PTPRD: variants seen among roughly 807,000 people sequenced by gnomAD.
PTPRD encodes the protein protein tyrosine phosphatase receptor type D, also known as receptor-type tyrosine-protein phosphatase delta.
Under a neutral mutation model 214.5 loss-of-function variants are expected in PTPRD, and 34 were observed. The ratio of observed to expected loss-of-function variants is 0.16; its 90% CI spans 0.12 to 0.21. The LOEUF (loss-of-function observed/expected upper bound fraction) is 0.21, where lower values mean the gene tolerates loss of function less well. PTPRD is among the 10% of genes least tolerant of loss of function. PTPRD has a pLI of 1.00. For missense variants in PTPRD, 2,545 were observed against 2,398.7 expected, an observed-to-expected ratio of 1.06 and a Z score of -1.27; for synonymous variants, 1,128 against 845.7, an observed-to-expected ratio of 1.33 and a Z score of -5.79.
intron 2 of PTPRD, among the ~76,000 whole-genome samples, chr9:10,592,117 A>T (rs2075603376): frequency 6.6e-6 from 1 of 152,130 alleles, no homozygotes; most frequent in Non-Finnish European, 1.5e-5. Flanking sequence ...GATGAGTATT[A>T]AGACTGAAGC....
At chr9:10,162,485 C>G (rs1276010506) in intron 3 of PTPRD, among the ~76,000 whole-genome samples, 1 of 150,524 alleles carries the variant, frequency 6.6e-6, no homozygotes, top group Non-Finnish European at 1.5e-5. Flanking sequence ...TATGTGGGAG[C>G]TAAAAAAGGA....
At chr9:8,354,533 A>G (rs1588480069) in intron 39 of PTPRD, among the ~76,000 whole-genome samples, 1 of 152,336 alleles carries the variant, frequency 6.6e-6, no homozygotes, top group South Asian at 2.1e-4. Context: ...TTCCTGTACT[A>G]ATCATTGAAC....
chr9:8,598,960 A>T (rs551553745), intron 14 of PTPRD, among the ~76,000 whole-genome samples: 1 of 152,310 alleles, frequency 6.6e-6, no homozygotes, highest in East Asian at 1.9e-4. Flanking sequence ...CTGAAAAATG[A>T]TACGGTTTGT....
chr9:9,616,351 T>C (rs1455228430), intron 7 of PTPRD, among the ~76,000 whole-genome samples: 1 of 152,122 alleles, frequency 6.6e-6, no homozygotes, highest in Non-Finnish European at 1.5e-5. Flanking sequence ...ACAAGAGAAG[T>C]TTCTCCTTTG....
chr9:8,762,468 TTTC>T (rs1331774587), intron 11 of PTPRD, among the ~76,000 whole-genome samples: 1 of 152,200 alleles, frequency 6.6e-6, no homozygotes, highest in African/African-American at 2.4e-5. Context: ...CTTTTATTAT[TTTC>T]TTAATTTAAT....
At chr9:9,989,505 C>G (rs774955413) in intron 4 of PTPRD, among the ~76,000 whole-genome samples, 12 of 152,122 alleles carry the variant, frequency 7.9e-5, no homozygotes, top group Non-Finnish European at 1.6e-4. Flanking sequence ...CAGCCTGGGA[C>G]AGCCGAACTC....
intron 2 of PTPRD, among the ~76,000 whole-genome samples, chr9:10,457,891 A>G (rs2098929978): frequency 1.3e-5 from 2 of 152,086 alleles, no homozygotes; most frequent in Admixed American, 1.3e-4. Context: ...ATATAAAATC[A>G]GAAATGTAAA....
intron 6 of PTPRD, among the ~76,000 whole-genome samples, chr9:9,749,362 A>G (rs143750133): frequency 1.6e-3 from 246 of 152,200 alleles, no homozygotes; most frequent in African/African-American, 5.5e-3. Context: ...ACGTTTTCCA[A>G]TCATCTCTAT....
At chr9:8,454,332 A>G (rs1444876818) in intron 33 of PTPRD, among the ~76,000 whole-genome samples, 1 of 152,204 alleles carries the variant, frequency 6.6e-6, no homozygotes, top group East Asian at 1.9e-4. Context: ...CAAAACTCAG[A>G]TATTGGTTTG....
rs573810816 is a variant in PTPRD, at chr9:10,452,641, C to A, written c.-599-111624G>T. 6.6e-5 allele frequency among the ~76,000 whole-genome samples: 10 copies of A among 151,816 alleles called. No individual in the cohort carries two copies. In the South Asian group the frequency reaches 2.1e-3, roughly 31 times the overall value. ...TATGTCTTCTGAAAAAATGTCTATT[C>A]ATTTAAAAAAATCAGATTATTCATT... is the stretch of plus-strand genomic sequence containing the variant. On this transcript the variant is annotated intron_variant, in intron 2 of 45. Coordinates refer to ENST00000381196, the MANE Select transcript of PTPRD (RefSeq NM_002839.4).
intron 9 of PTPRD, among the ~76,000 whole-genome samples, chr9:9,282,054 A>C (rs1947894539): frequency 6.6e-6 from 1 of 151,286 alleles, no homozygotes; most frequent in South Asian, 2.1e-4. Context: ...TCTAGAAGAG[A>C]CAAAGTATGA....
At chr9:9,742,728 TA>T (rs2098416988) in intron 6 of PTPRD, among the ~76,000 whole-genome samples, 1 of 152,182 alleles carries the variant, frequency 6.6e-6, no homozygotes, top group African/African-American at 2.4e-5. Flanking sequence ...ACCTAGACCT[TA>T]GTGTTTCCAC....
intron 21 of PTPRD, among the ~76,000 whole-genome samples, chr9:8,509,111 G>A (rs2097611232): frequency 6.6e-6 from 1 of 151,988 alleles, no homozygotes; most frequent in Non-Finnish European, 1.5e-5. Flanking sequence ...CCCAGTACCT[G>A]CCCAGTGGGT....
chr9:10,066,408 T>C (rs1178468523), intron 3 of PTPRD, among the ~76,000 whole-genome samples: 2 of 151,882 alleles, frequency 1.3e-5, no homozygotes, highest in African/African-American at 4.8e-5. Flanking sequence ...ACTTCACTAA[T>C]TGAAGCTATT....
chr9:8,735,286 G>A (rs934500970), intron 11 of PTPRD, among the ~76,000 whole-genome samples: 5 of 151,660 alleles, frequency 3.3e-5, no homozygotes, highest in African/African-American at 1.2e-4. Context: ...TGAGATTACA[G>A]GTGCCCACCA....
chr9:10,276,818 A>T (rs1011190920), intron 3 of PTPRD, among the ~76,000 whole-genome samples: 2 of 152,202 alleles, frequency 1.3e-5, no homozygotes. Flanking sequence ...AGAGGTGAGA[A>T]AAGCCAACCC....
intron 5 of PTPRD, among the ~76,000 whole-genome samples, chr9:9,903,170 T>C (rs902481714): frequency 2.0e-5 from 3 of 152,148 alleles, no homozygotes; most frequent in African/African-American, 7.2e-5. Flanking sequence ...CTTCCAATGA[T>C]TATATATCTT....
intron 2 of PTPRD, among the ~76,000 whole-genome samples, chr9:10,465,367 G>A (rs561068094): frequency 6.6e-6 from 1 of 152,152 alleles, no homozygotes; most frequent in South Asian, 2.1e-4. Context: ...TTGAGTCCAA[G>A]TAGATGCAAA....
chr9:9,375,744 T>G (rs2060609172), intron 9 of PTPRD, among the ~76,000 whole-genome samples: 1 of 152,164 alleles, frequency 6.6e-6, no homozygotes, highest in African/African-American at 2.4e-5. Context: ...GTATCTGGAA[T>G]AGCTGAATTC....
Sources: allele counts gnomAD v4.1 joint callset (sites outside exome capture counted in the v4.1 genomes callset), GRCh38; gene constraint gnomAD v4.1.1; transcripts MANE v1.5; gene names NCBI Gene and HGNC (gene_info 2026-07-23, HGNC 2026-07-21).